DPEP1: variants seen among roughly 807,000 people sequenced by gnomAD.
DPEP1 encodes beta-lactamase.
Under a neutral mutation model 42.3 loss-of-function variants are expected in DPEP1, and 50 were observed. The ratio of observed to expected loss-of-function variants is 1.18; its 90% CI spans 0.94 to 1.50. DPEP1 has a LOEUF of 1.50. Ranked by LOEUF, DPEP1 falls within the 40% of genes most tolerant of loss-of-function variation. The pLI is 0.00. For synonymous variants in DPEP1, 297 were observed against 234.0 expected (o/e 1.27, Z -2.46); for missense variants, 663 against 553.0 (o/e 1.20, Z -1.99).
At chr16:89,614,975 C>T (rs1047930432) in intron 1 of DPEP1, among the ~76,000 whole-genome samples, 1 of 152,132 alleles carries the variant, frequency 6.6e-6, no homozygotes, top group Non-Finnish European at 1.5e-5. Flanking sequence ...AAGCTATTTT[C>T]ATGGTGAGGG....
chr16:89,634,091 CT>C (rs3039849), intron 2 of DPEP1, among the ~76,000 whole-genome samples: 95 of 123,688 alleles, frequency 7.7e-4, no homozygotes, highest in African/African-American at 9.9e-4. Context: ...TTCTCTTCTT[CT>C]TTTTTTTTTT....
At chr16:89,629,153 T>G (rs1361919110) in intron 1 of DPEP1, among the ~76,000 whole-genome samples, 1 of 152,202 alleles carries the variant, frequency 6.6e-6, no homozygotes, top group Non-Finnish European at 1.5e-5. Context: ...CTTTGTTCAT[T>G]ATGGATTTTT....
chr16:89,628,222 A>G (rs992567386), intron 1 of DPEP1, among the ~76,000 whole-genome samples: 1 of 137,210 alleles, frequency 7.3e-6, no homozygotes, highest in African/African-American at 2.7e-5. Flanking sequence ...ACACCCGGCC[A>G]CAAAAGGTAT....
intron 1 of DPEP1, among the ~76,000 whole-genome samples, chr16:89,616,717 A>G (rs1215023050): frequency 6.6e-6 from 1 of 152,012 alleles, no homozygotes; most frequent in East Asian, 1.9e-4. Context: ...GGGCAGTGCA[A>G]ACGCACGCTG....
Position 89,636,405 on chromosome 16 carries a change from C to T in DPEP1, c.370+9C>T. The T allele has an allele frequency of 1.9e-6, 3 of 1,609,536 alleles. No individual in the cohort carries two copies. The highest frequency in any genetic ancestry group is 1.7e-6 in the Non-Finnish European group (2 of 1,178,056). ...TGTCACCAGCAGTGCAGGTGGGGTC[C>T]TGACCTGGGTCCTCCAGGTCCTGCG... On this transcript the variant is annotated intron_variant, in intron 4 of 10. Transcript: ENST00000690203.
chr16:89,628,809 G>A (rs988048739), intron 1 of DPEP1, among the ~76,000 whole-genome samples: 13 of 151,908 alleles, frequency 8.6e-5, no homozygotes, highest in African/African-American at 2.2e-4. Flanking sequence ...TTGTGGGGGA[G>A]GGGGGGCGGT....
At chr16:89,626,463 G>C (rs2059513933) in intron 1 of DPEP1, 1 of 152,216 alleles carries the variant, frequency 6.6e-6, no homozygotes, top group East Asian at 1.9e-4. Flanking sequence ...CAATTCTCCT[G>C]CCTCAGCCTC....
rs890475795 is a variant in DPEP1 at position 89,638,110 on chromosome 16, G to A, written c.1124G>A (p.Gly375Asp). Residue 375 changes from glycine (G) to aspartate (D), a missense_variant, in exon 11 of 11, where the codon GGC (glycine) becomes GAC (aspartate). Gly to Asp is a moderately conservative substitution (Grantham distance 94). Transcript: ENST00000690203. The part of the protein sequence containing the change: ...EEPIPLDQLG[G>D]SCRTHYGYSS... Reference sequence around the variant, plus strand: ...CCCATCCCGCTGGACCAGCTGGGTGGCTCCTGCAGGACCCATTACGGCTAC... The same window carrying A: ...CCCATCCCGCTGGACCAGCTGGGTGACTCCTGCAGGACCCATTACGGCTAC... 6.2e-7 allele frequency: 1 copy of A among 1,612,192 alleles called. No homozygotes were observed. The highest frequency in any genetic ancestry group is 1.7e-5 in the Admixed American group (1 of 59,976).
In DPEP1 at chr16:89,630,373, C is replaced by T. The variant is rs201378881; in HGVS notation, c.-38C>T. On this transcript the variant is annotated 5_prime_UTR_variant, in exon 2 of 11. Transcript: ENST00000690203. ...GCCAGCCAGGCCAGCACAGAGGCAC[C>T]AGGGCAGCAGTGCACACAGGTCCCC... is the stretch of plus-strand genomic sequence containing the variant. The T allele has an allele frequency of 3.6e-4, 558 of 1,556,220 alleles. No homozygotes were observed. The highest frequency in any genetic ancestry group is 5.7e-4 in the South Asian group (50 of 88,374).
chr16:89,626,036 T>G lies in DPEP1; in HGVS notation c.-106-4269T>G, dbSNP rs533249709. Reference sequence around the variant, plus strand: ...CCACGCGTGGCTTTCGGCCCCGGTCTGGTGCTCGGAAGACATGTGCCTCCC... The same window carrying G: ...CCACGCGTGGCTTTCGGCCCCGGTCGGGTGCTCGGAAGACATGTGCCTCCC... On this transcript the variant is annotated intron_variant, in intron 1 of 10. Coordinates refer to ENST00000690203, the MANE Select transcript of DPEP1 (RefSeq NM_001389466.1). Among the ~76,000 whole-genome samples, 211 of 152,280 alleles carry G rather than the reference T, an allele frequency of 1.4e-3. 2 individuals are homozygous for G. In the South Asian group the frequency reaches 0.029, roughly 21 times the overall value.
At position 89,627,992 on chromosome 16, in the gene DPEP1, G is replaced by A. The variant is rs978570143; in HGVS notation, c.-106-2313G>A. Among the ~76,000 whole-genome samples, 7 of 151,896 alleles carry A rather than the reference G, an allele frequency of 4.6e-5. No individual in the cohort carries two copies. In the East Asian group the frequency reaches 5.9e-4, roughly 13 times the overall value. On this transcript the variant is annotated intron_variant, in intron 1 of 10. Coordinates refer to ENST00000690203, the MANE Select transcript of DPEP1 (RefSeq NM_001389466.1). ...GGCGGGAGTGCAGTGGTGCAATCTC[G>A]GCTCACTGCAAGCTCTGCCTCCCGG... is the stretch of plus-strand genomic sequence containing the variant.
At position 89,638,418 on chromosome 16, in the gene DPEP1, G is replaced by A. The variant is rs1272952438; in HGVS notation, c.*196G>A. The A allele has an allele frequency of 2.2e-6, 3 of 1,341,546 alleles. No homozygotes were observed. The highest frequency in any genetic ancestry group is 2.9e-6 in the Non-Finnish European group (3 of 1,052,138). The allele number at this position is 1,341,546 out of a possible 1,614,324, so 83.1% of individuals were successfully genotyped here. A position where few individuals can be genotyped will look rare whatever the true frequency, so the allele number is the denominator to read the frequency against. On this transcript the variant is annotated 3_prime_UTR_variant, in exon 11 of 11. Coordinates refer to ENST00000690203, the MANE Select transcript of DPEP1 (RefSeq NM_001389466.1). Reference sequence around the variant, plus strand: ...CACACACAGTAGGCCCGCAATAAAAGCAACACCCCTTCACATCCTGGGGTA... The same window carrying A: ...CACACACAGTAGGCCCGCAATAAAAACAACACCCCTTCACATCCTGGGGTA...
chr16:89,613,978 G>A (rs7205008), intron 1 of DPEP1, among the ~76,000 whole-genome samples: 9 of 105,584 alleles, frequency 8.5e-5, no homozygotes, highest in Admixed American at 3.8e-4. Context: ...GATTCTAGGA[G>A]GCTGGCACCA....
At position 89,626,029 on chromosome 16, in the gene DPEP1, C is replaced by T. The variant is rs77266124; in HGVS notation, c.-106-4276C>T. Among the ~76,000 whole-genome samples, 24 of 152,302 alleles carry T rather than the reference C, an allele frequency of 1.6e-4. No homozygotes were observed. The East Asian group carries it at 3.3e-3, about 21-fold the overall frequency. ...ATGCAGTCCACGCGTGGCTTTCGGCCCCGGTCTGGTGCTCGGAAGACATGT... is the reference window on the plus strand; with the variant it reads ...ATGCAGTCCACGCGTGGCTTTCGGCTCCGGTCTGGTGCTCGGAAGACATGT... On this transcript the variant is annotated intron_variant, in intron 1 of 10. Transcript: ENST00000690203.
Position 89,635,945 on chromosome 16 carries a change from A to G in DPEP1, c.142A>G (p.Asn48Asp). The G allele has an allele frequency of 6.2e-7, 1 of 1,611,536 alleles. No homozygotes were observed. The highest frequency in any genetic ancestry group is 1.1e-5 in the South Asian group (1 of 90,960). ...CCCCTGGCAGCTGCTGGATATGTTC[A>G]ACAACCGGCTGCAGGACGAGAGGGC... ...DLPWQLLDMF[N>D]NRLQDERANL... The change falls in exon 3 of 11, where the codon AAC (asparagine) becomes GAC (aspartate). Residue 48 changes from asparagine to aspartate, a missense_variant. Coordinates refer to ENST00000690203, the MANE Select transcript of DPEP1 (RefSeq NM_001389466.1).
intron 1 of DPEP1, among the ~76,000 whole-genome samples, chr16:89,626,781 C>G (rs1392314821): frequency 1.3e-5 from 2 of 152,114 alleles, no homozygotes; most frequent in Non-Finnish European, 2.9e-5. Context: ...CCTCCCCAGC[C>G]ATGTGGAACT....
At chr16:89,636,966 CGAG>C (rs1567992759) in intron 6 of DPEP1, 31 bp downstream of exon 6, 1 of 1,609,418 alleles carries the variant, frequency 6.2e-7, no homozygotes, top group Non-Finnish European at 8.5e-7. Flanking sequence ...CAGTCACCCC[CGAG>C]GAGAAGGCAG....
intron 1 of DPEP1, among the ~76,000 whole-genome samples, chr16:89,625,131 T>A (rs2059491689): frequency 6.6e-6 from 1 of 152,038 alleles, no homozygotes. Flanking sequence ...TTTCCTGGAT[T>A]CAGCGTGCTT....
chr16:89,624,410 A>G (rs1443182424), intron 1 of DPEP1, among the ~76,000 whole-genome samples: 1 of 152,162 alleles, frequency 6.6e-6, no homozygotes, highest in Non-Finnish European at 1.5e-5. Context: ...TTGAACAAAG[A>G]AGTGGACAAA....
Sources: gnomAD v4.1 joint callset for allele counts (sites outside exome capture counted in the v4.1 genomes callset) on GRCh38, gnomAD v4.1.1 for gene constraint, MANE v1.5 for transcripts, NCBI Gene and HGNC (gene_info 2026-07-23, HGNC 2026-07-21) for gene names.